PRIM2: variants seen among roughly 807,000 people sequenced by gnomAD.
The protein encoded by PRIM2 is DNA primase subunit 2.
Under a neutral mutation model 67.3 loss-of-function variants are expected in PRIM2, and 39 were observed. The ratio of observed to expected loss-of-function variants is 0.58; its 90% CI spans 0.45 to 0.76. The LOEUF (loss-of-function observed/expected upper bound fraction) is 0.76, where lower values mean the gene tolerates loss of function less well. Ranked by LOEUF, PRIM2 falls within the 30% of genes least tolerant of loss-of-function variation. The pLI, the probability that PRIM2 is intolerant of heterozygous loss-of-function variation, is 0.00. For missense variants in PRIM2, 398 were observed against 598.7 expected (o/e 0.66, Z 3.50); for synonymous variants, 143 against 198.7 (o/e 0.72, Z 2.36).
intron 8 of PRIM2, among the ~76,000 whole-genome samples, chr6:57,519,938 T>C: frequency 6.6e-6 from 1 of 152,244 alleles, no homozygotes; most frequent in African/African-American, 2.4e-5. Flanking sequence ...TTGGGGTCCC[T>C]GACTTCCCGC....
At chr6:57,297,314 T>G in the PRIM2 span, among the ~76,000 whole-genome samples, 2 of 151,684 alleles carry the variant, frequency 1.3e-5, no homozygotes, top group African/African-American at 4.8e-5. Flanking sequence ...TGGTGGCGGG[T>G]GCCTGTAATC....
intron 12 of PRIM2, 70 bp downstream of exon 12, chr6:57,606,527 G>A: frequency 8.2e-7 from 1 of 1,217,078 alleles, no homozygotes; most frequent in East Asian, 2.5e-5. Context: ...TTTATTTAAT[G>A]TTCTTGCAGT....
chr6:57,249,461 G>A, the PRIM2 span, among the ~76,000 whole-genome samples: 1 of 152,196 alleles, frequency 6.6e-6, no homozygotes, highest in African/African-American at 2.4e-5. Flanking sequence ...CCCAGGTTAG[G>A]TTGGGCGTGG....
intron 5 of PRIM2, among the ~76,000 whole-genome samples, chr6:57,353,658 A>G (rs1431703173): frequency 6.6e-6 from 1 of 152,190 alleles, no homozygotes; most frequent in Non-Finnish European, 1.5e-5. Flanking sequence ...TACTATCGGT[A>G]GTCTTAGGAA....
chr6:57,548,718 C>A (rs1220508734), intron 10 of PRIM2, among the ~76,000 whole-genome samples: 2 of 151,998 alleles, frequency 1.3e-5, no homozygotes, highest in Admixed American at 6.6e-5. Context: ...TTATCTCACA[C>A]CTGATGGATA....
At chr6:57,640,803 G>T (rs1279773568) in intron 13 of PRIM2, among the ~76,000 whole-genome samples, 1 of 151,976 alleles carries the variant, frequency 6.6e-6, no homozygotes, top group Non-Finnish European at 1.5e-5. Context: ...GCCGTAATGC[G>T]CAAAGTAATT....
At chr6:57,362,350 A>G (rs575037138) in intron 5 of PRIM2, among the ~76,000 whole-genome samples, 2 of 152,292 alleles carry the variant, frequency 1.3e-5, no homozygotes, top group South Asian at 2.1e-4. Flanking sequence ...CTACAAATCA[A>G]TTTATTTTTT....
At chr6:57,223,341 CT>C in the PRIM2 span, among the ~76,000 whole-genome samples, 1 of 152,148 alleles carries the variant, frequency 6.6e-6, no homozygotes, top group South Asian at 2.1e-4. Flanking sequence ...CAGTTAGCAA[CT>C]GGAAGAGGGG....
intron 7 of PRIM2, among the ~76,000 whole-genome samples, chr6:57,385,556 C>T (rs1228417207): frequency 6.6e-6 from 1 of 152,220 alleles, no homozygotes; most frequent in African/African-American, 2.4e-5. Flanking sequence ...TTACTACCAT[C>T]TAACCTCCAG....
intron 7 of PRIM2, among the ~76,000 whole-genome samples, chr6:57,457,742 G>A (rs1772852548): frequency 6.6e-6 from 1 of 152,180 alleles, no homozygotes; most frequent in African/African-American, 2.4e-5. Flanking sequence ...TCCTGGGTGA[G>A]GCAATGCCTG....
intron 7 of PRIM2, among the ~76,000 whole-genome samples, chr6:57,432,549 A>T (rs1771873027): frequency 6.6e-6 from 1 of 152,196 alleles, no homozygotes; most frequent in African/African-American, 2.4e-5. Flanking sequence ...ACTTTAAAAA[A>T]AGTCCTTAGT....
intron 10 of PRIM2, among the ~76,000 whole-genome samples, chr6:57,541,978 T>G (rs1297035198): frequency 6.8e-6 from 1 of 146,074 alleles, no homozygotes; most frequent in Non-Finnish European, 1.5e-5. Context: ...TTTTGGTTTT[T>G]TTTTTTTTTT....
intron 3 of PRIM2, among the ~76,000 whole-genome samples, chr6:57,321,900 G>A (rs1034649806): frequency 3.3e-5 from 5 of 152,036 alleles, no homozygotes; most frequent in Admixed American, 2.6e-4. Context: ...TTTGAATCTG[G>A]GTATTTTGTT....
In PRIM2 at chr6:57,396,948, AT is replaced by A. The variant is rs1378760116; in HGVS notation, c.693+14782del. On this transcript the variant is annotated intron_variant, in intron 7 of 13. Coordinates refer to ENST00000615550, the MANE Select transcript of PRIM2 (RefSeq NM_000947.5). ...GATGCTTAGTTTTTCTGGATATAAA[AT>A]TCTTGGCTGATAATGATTTTGTTTG... Among the ~76,000 whole-genome samples, 33 of 152,306 alleles carry A rather than the reference AT, an allele frequency of 2.2e-4. 1 individual carries two copies. The highest frequency in any genetic ancestry group is 2.1e-3 in the Admixed American group (32 of 15,302).
intron 7 of PRIM2, among the ~76,000 whole-genome samples, chr6:57,484,441 T>G (rs1381847426): frequency 1.3e-5 from 2 of 152,198 alleles, no homozygotes; most frequent in Non-Finnish European, 2.9e-5. Flanking sequence ...TCAGTTTGCT[T>G]GGACTGAGAA....
intron 10 of PRIM2, among the ~76,000 whole-genome samples, chr6:57,600,387 C>T (rs1455250350): frequency 6.6e-6 from 1 of 151,566 alleles, no homozygotes; most frequent in African/African-American, 2.4e-5. Context: ...GAGACTGGGT[C>T]TCACTATGTT....
the PRIM2 span, among the ~76,000 whole-genome samples, chr6:57,306,551 T>G: frequency 2.0e-5 from 3 of 152,166 alleles, no homozygotes; most frequent in African/African-American, 4.8e-5. Context: ...AACTGTATTG[T>G]CAGGGTTCGC....
chr6:57,424,360 G>T (rs1771555157), intron 7 of PRIM2, among the ~76,000 whole-genome samples: 1 of 152,086 alleles, frequency 6.6e-6, no homozygotes, highest in Non-Finnish European at 1.5e-5. Flanking sequence ...TTTATCCAGG[G>T]AGAGATTAAA....
chr6:57,485,070 G>A (rs1773723579), intron 7 of PRIM2, among the ~76,000 whole-genome samples: 2 of 152,108 alleles, frequency 1.3e-5, no homozygotes, highest in South Asian at 4.1e-4. Flanking sequence ...AGTTACGATG[G>A]AGCCATTATT....
Sources: allele counts gnomAD v4.1 joint callset (sites outside exome capture counted in the v4.1 genomes callset), GRCh38; gene constraint gnomAD v4.1.1; transcripts MANE v1.5; gene names NCBI Gene and HGNC (gene_info 2026-07-23, HGNC 2026-07-21).